The following ENOSF1 variants were observed in gnomAD, a reference collection of about 807,000 sequenced individuals.
ENOSF1 encodes the protein enolase superfamily member 1, also known as mitochondrial enolase superfamily member 1.
A neutral mutation model predicts 68.2 loss-of-function variants in ENOSF1; 73 were observed. The observed-to-expected ratio is 1.07, with a 90% confidence interval of 0.89 to 1.30. The LOEUF is 1.30. Among genes scored for constraint, ENOSF1 ranks in the 50% most tolerant of loss-of-function variants. The pLI is 0.00. For missense variants in ENOSF1, 589 were observed against 554.5 expected, an observed-to-expected ratio of 1.06 and a Z score of -0.62; for synonymous variants, 223 against 210.4, an observed-to-expected ratio of 1.06 and a Z score of -0.52.
downstream of ENOSF1, among the ~76,000 whole-genome samples, chr18:666,601 A>G (rs2612096): frequency 0.55 from 83,856 of 152,046 alleles, 24,705 homozygotes; most frequent in African/African-American, 0.78. Context: ...CAGGTGTCTC[A>G]TCTAAGGGGA....
At chr18:698,355 A>C (rs1303485324) in intron 2 of ENOSF1, among the ~76,000 whole-genome samples, 1 of 152,224 alleles carries the variant, frequency 6.6e-6, no homozygotes, top group Non-Finnish European at 1.5e-5. Context: ...ACTTCATAGA[A>C]TTTTTAAAAG....
At chr18:668,878 G>A (rs559873880), downstream of ENOSF1, among the ~76,000 whole-genome samples, 61 of 152,228 alleles carry the variant, frequency 4.0e-4, no homozygotes, top group African/African-American at 1.4e-3. Context: ...CCAGAGGACA[G>A]AGCCAGGAGT....
intron 13 of ENOSF1, 93 bp from the exon 14 acceptor site, chr18:677,537 G>C: frequency 8.0e-7 from 1 of 1,248,394 alleles, no homozygotes; most frequent in East Asian, 2.4e-5. Context: ...TTGCCCACAG[G>C]TGATTAAATC....
At chr18:674,554 C>T (rs975520633) in intron 15 of ENOSF1, 148 bp from the exon 16 acceptor site, 4 of 530,838 alleles carry the variant, frequency 7.5e-6, no homozygotes, top group South Asian at 2.5e-5. Flanking sequence ...AGTCACTGTC[C>T]GTTGCCCAGG....
At chr18:694,430 A>G in intron 3 of ENOSF1, 96 bp from the exon 4 acceptor site, 2 of 1,123,704 alleles carry the variant, frequency 1.8e-6, no homozygotes, top group Non-Finnish European at 2.6e-6. Context: ...TTTGGGACCA[A>G]GACCAGCCTG....
intron 5 of ENOSF1, chr18:693,022 C>A: frequency 8.1e-7 from 1 of 1,241,466 alleles, no homozygotes; most frequent in Non-Finnish European, 1.0e-6. Flanking sequence ...TGCACTGAGG[C>A]CACCGCAGCT....
rs879818437 is a variant in ENOSF1 at position 700,305 on chromosome 18, T to C, written c.194-2950A>G. On this transcript the variant is annotated intron_variant, in intron 2 of 15. Transcript: ENST00000647584. ...CAGAGTCCTCCTCACTTCTTGAAGG[T>C]TGATGCTCTTGAATTAAAGAAAATC... 7.9e-5 allele frequency among the ~76,000 whole-genome samples: 12 copies of C among 152,254 alleles called. No homozygotes were observed. In the South Asian group the frequency reaches 1.7e-3, roughly 21 times the overall value.
chr18:689,591 TAG>T (rs1356594043), intron 8 of ENOSF1, among the ~76,000 whole-genome samples: 5 of 152,106 alleles, frequency 3.3e-5, no homozygotes, highest in African/African-American at 9.7e-5. Flanking sequence ...CAAAATGATT[TAG>T]AGAGGTGAAC....
chr18:671,523 C>G lies in ENOSF1; in HGVS notation c.*2782G>C. The stretch of plus-strand genomic sequence containing the variant: ...AAAAGGTTGACTGTGGAACAGGCAT[C>G]TGCTCAATGCTGTGTCCAAGATAAA... On this transcript the variant is annotated 3_prime_UTR_variant, in exon 16 of 16. Transcript: ENST00000647584. 2.2e-6 allele frequency: 2 copies of G among 923,660 alleles called. No individual in the cohort carries two copies. Among genetic ancestry groups the G allele is most frequent in the South Asian group, 2.7e-5 (2 of 74,634 alleles). The allele number at this position is 923,660 out of a possible 1,614,324, so 57.2% of individuals were successfully genotyped here. A position where few individuals can be genotyped will look rare whatever the true frequency, so the allele number is the denominator to read the frequency against.
intron 2 of ENOSF1, 100 bp from the exon 3 acceptor site, chr18:697,455 A>G (rs1313650356): frequency 9.8e-7 from 1 of 1,021,530 alleles, no homozygotes; most frequent in Admixed American, 2.1e-5. Flanking sequence ...AGTTTTATGA[A>G]AAAATTAAAT....
intron 10 of ENOSF1, among the ~76,000 whole-genome samples, chr18:684,354 CCT>C (rs1382093480): frequency 6.6e-6 from 1 of 151,884 alleles, no homozygotes; most frequent in Non-Finnish European, 1.5e-5. Context: ...ATAGCAAAAT[CCT>C]CTCTCTACAA....
chr18:705,201 G>T (rs938813490), intron 2 of ENOSF1, among the ~76,000 whole-genome samples: 1 of 152,136 alleles, frequency 6.6e-6, no homozygotes, highest in Non-Finnish European at 1.5e-5. Flanking sequence ...CAAGGGAGAG[G>T]TATCACACTA....
intron 3 of ENOSF1, among the ~76,000 whole-genome samples, chr18:695,142 T>G (rs1273635248): frequency 1.3e-5 from 2 of 152,216 alleles, no homozygotes; most frequent in Admixed American, 1.3e-4. Flanking sequence ...TCGCCATGCC[T>G]CTTTAGTCTC....
chr18:706,080 A>G (rs911917325), intron 2 of ENOSF1, among the ~76,000 whole-genome samples: 3 of 152,026 alleles, frequency 2.0e-5, no homozygotes, highest in Non-Finnish European at 2.9e-5. Flanking sequence ...CTTTTTTGCT[A>G]TGGGAACTCA....
At chr18:669,301 G>A, downstream of ENOSF1, 2 of 640,042 alleles carry the variant, frequency 3.1e-6, no homozygotes, top group South Asian at 4.2e-5. Flanking sequence ...GGTTGATTGT[G>A]TGACGTTGGG....
At chr18:706,347 A>C (rs1429508144) in intron 2 of ENOSF1, 123 bp downstream of exon 2, 3 of 704,234 alleles carry the variant, frequency 4.3e-6, no homozygotes, top group Non-Finnish European at 7.5e-6. Flanking sequence ...GAGCAGTGTA[A>C]ATACAGATAA....
At chr18:703,161 G>C (rs955839045) in intron 2 of ENOSF1, among the ~76,000 whole-genome samples, 1 of 152,166 alleles carries the variant, frequency 6.6e-6, no homozygotes, top group African/African-American at 2.4e-5. Context: ...TTAAAGTCAT[G>C]GAGAGATGGA....
chr18:700,687 T>C (rs2741171), intron 2 of ENOSF1, among the ~76,000 whole-genome samples: 95,272 of 151,492 alleles, frequency 0.63, 30,615 homozygotes, highest in African/African-American at 0.79. Context: ...GAGTATGAGA[T>C]CAACCTGATC....
chr18:709,882 G>C (rs1309149208), intron 1 of ENOSF1, among the ~76,000 whole-genome samples: 1 of 152,168 alleles, frequency 6.6e-6, no homozygotes, highest in Non-Finnish European at 1.5e-5. Context: ...TGATGGTCCA[G>C]CATGCCTCGA....
Sources: gnomAD v4.1 joint callset for allele counts (sites outside exome capture counted in the v4.1 genomes callset) on GRCh38, gnomAD v4.1.1 for gene constraint, MANE v1.5 for transcripts, NCBI Gene and HGNC (gene_info 2026-07-23, HGNC 2026-07-21) for gene names.